Variants in CRB2 observed in about 807,000 individuals in gnomAD.
CRB2 encodes protein crumbs homolog 2.
CRB2 carries 85 observed loss-of-function variants against 110.9 expected under a neutral mutation model. That is an observed-to-expected ratio of 0.77 (90% confidence interval 0.64 to 0.92). The LOEUF is 0.92. CRB2 is among the 40% of genes least tolerant of loss of function. The pLI, the probability that CRB2 is intolerant of heterozygous loss-of-function variation, is 0.00. For synonymous variants in CRB2, 907 were observed against 831.0 expected (o/e 1.09, Z -1.57); for missense variants, 1,843 against 1,851.3 (o/e 1.00, Z 0.08).
At chr9:123,361,376 C>T (rs2041867166) in intron 1 of CRB2, among the ~76,000 whole-genome samples, 1 of 152,244 alleles carries the variant, frequency 6.6e-6, no homozygotes, top group Non-Finnish European at 1.5e-5. Context: ...CAAACCAGGA[C>T]TGCCCGATGC....
intron 12 of CRB2, among the ~76,000 whole-genome samples, chr9:123,376,274 G>C (rs932932457): frequency 6.6e-6 from 1 of 152,154 alleles, no homozygotes; most frequent in Non-Finnish European, 1.5e-5. Context: ...TGGAATCCTC[G>C]CATCCTGGGA....
At chr9:123,376,056 C>T (rs1478327245) in intron 12 of CRB2, among the ~76,000 whole-genome samples, 3 of 151,086 alleles carry the variant, frequency 2.0e-5, no homozygotes, top group African/African-American at 7.3e-5. Flanking sequence ...ACTTTTACAG[C>T]CTCTGGCTTC....
intron 1 of CRB2, among the ~76,000 whole-genome samples, chr9:123,357,693 G>T (rs2041816363): frequency 6.6e-6 from 1 of 152,110 alleles, no homozygotes; most frequent in Non-Finnish European, 1.5e-5. Flanking sequence ...CCGGTCTGTG[G>T]ATCGGTGCTC....
chr9:123,363,156 G>T lies in CRB2; in HGVS notation c.386G>T (p.Arg129Leu), dbSNP rs549870240. 1.2e-6 allele frequency: 2 copies of T among 1,609,246 alleles called. No homozygotes were observed. The highest frequency in any genetic ancestry group is 1.6e-4 in the Middle Eastern group (1 of 6,076). ...GCCACCTGCCGCAACCTGGCCGATCGCTACGAGTGCCATTGCCCCCTTGGC... is the reference window on the plus strand; with the variant it reads ...GCCACCTGCCGCAACCTGGCCGATCTCTACGAGTGCCATTGCCCCCTTGGC... The part of the protein sequence containing the change: ...HGATCRNLAD[R>L]YECHCPLGYA... The change falls in exon 2 of 13, where the codon CGC becomes CTC. Residue 129 changes from arginine (R) to leucine (L), a missense_variant. By Grantham distance (102) the Arg-to-Leu change is moderately radical. Transcript: ENST00000373631.
rs539866707 is a variant in CRB2, at chr9:123,361,941, G to A, written c.95-924G>A. ...GAGAGGAAGGGGGATGAGGATCTCT[G>A]GGCGTGGCTTCCAAGCCGGTTGGTG... On this transcript the variant is annotated intron_variant, in intron 1 of 12. Coordinates refer to ENST00000373631, the MANE Select transcript of CRB2 (RefSeq NM_173689.7). Among the ~76,000 whole-genome samples the A allele has an allele frequency of 7.7e-4, 118 of 152,320 alleles. 1 individual carries two copies. The highest frequency in any genetic ancestry group is 2.7e-3 in the African/African-American group (113 of 41,570).
rs1305317465 is a variant in CRB2 at position 123,367,669 on chromosome 9, G to T, written c.1037G>T (p.Cys346Phe). The change falls in exon 6 of 13, where the codon TGC (cysteine) becomes TTC (phenylalanine). Residue 346 changes from cysteine (C) to phenylalanine (F), a missense_variant. By Grantham distance (205) the Cys-to-Phe change is radical. Coordinates refer to ENST00000373631, the MANE Select transcript of CRB2 (RefSeq NM_173689.7). ...CTGCCCAATGGCTTCCAGTGTCACT[G>T]CCCAGATGGCTACGCAGGTGTCTGG... ...QDLPNGFQCH[C>F]PDGYAGPTCE... The T allele has an allele frequency of 2.6e-6, 4 of 1,561,946 alleles. No individual in the cohort carries two copies. The highest frequency in any genetic ancestry group is 2.6e-6 in the Non-Finnish European group (3 of 1,153,954).
At chr9:123,369,518 G>A (rs778943340) in intron 6 of CRB2, among the ~76,000 whole-genome samples, 2 of 152,116 alleles carry the variant, frequency 1.3e-5, no homozygotes, top group South Asian at 4.1e-4. Context: ...TGAAAGGAAG[G>A]GTAAGGGTGA....
rs537615209 is a variant in CRB2, at chr9:123,367,570, C to T, written c.941-3C>T. On this transcript the variant is annotated splice_region_variant and splice_polypyrimidine_tract_variant and intron_variant, in intron 5 of 12. Transcript: ENST00000373631. ...GTGGGACCCACAGCTGGGCCTCTTA[C>T]AGGAGCCGACTGCGGTGTGGAGGTG... 3.1e-4 allele frequency: 475 copies of T among 1,551,686 alleles called. 6 individuals are homozygous for T. The South Asian group carries it at 5.3e-3, about 17-fold the overall frequency.
At chr9:123,378,822 T>TG (rs2042153215), downstream of CRB2, 2 of 131,610 alleles carry the variant, frequency 1.5e-5, no homozygotes, top group Admixed American at 1.5e-4. Context: ...TTTTTTTTTT[T>TG]TTTTTTTTTT....
At chr9:123,374,281 G>T (rs2042069424) in intron 10 of CRB2, among the ~76,000 whole-genome samples, 1 of 152,054 alleles carries the variant, frequency 6.6e-6, no homozygotes, top group African/African-American at 2.4e-5. Flanking sequence ...TGTGGAAGGG[G>T]ATCTGGCTGT....
At chr9:123,354,329 T>C (rs942380754), upstream of CRB2, among the ~76,000 whole-genome samples, 3 of 151,140 alleles carry the variant, frequency 2.0e-5, no homozygotes, top group Admixed American at 2.0e-4. Context: ...TCTGTGAAAG[T>C]GTGGGAGTTT....
upstream of CRB2, among the ~76,000 whole-genome samples, chr9:123,354,849 C>T (rs80260733): frequency 1.6e-3 from 246 of 152,290 alleles, 3 homozygotes; most frequent in East Asian, 0.025. Flanking sequence ...GCACTTGCCC[C>T]GGGCTAGAGG....
chr9:123,363,183 A>G lies in CRB2; in HGVS notation c.413A>G (p.Tyr138Cys), dbSNP rs1329503571. The change falls in exon 2 of 13, where the codon TAT becomes TGT. Residue 138 changes from tyrosine (Y) to cysteine (C), a missense_variant. Tyr to Cys is a radical substitution (Grantham distance 194). Coordinates refer to ENST00000373631, the MANE Select transcript of CRB2 (RefSeq NM_173689.7). ...DRYECHCPLGYAGVTCEMEVD... is the reference protein window; with the variant it reads ...DRYECHCPLGCAGVTCEMEVD... ...TACGAGTGCCATTGCCCCCTTGGCT[A>G]TGCAGGTAACAGCCTGGGCCGCCCT... The G allele has an allele frequency of 6.2e-7, 1 of 1,601,096 alleles. No individual in the cohort carries two copies. Among genetic ancestry groups the G allele is most frequent in the Admixed American group, 1.7e-5 (1 of 59,704 alleles).
chr9:123,364,730 A>C (rs576221514), intron 2 of CRB2, among the ~76,000 whole-genome samples: 38 of 152,330 alleles, frequency 2.5e-4, no homozygotes, highest in African/African-American at 9.1e-4. Context: ...ACGTGAGTCC[A>C]GGATGATCTC....
chr9:123,367,417 G>GGGCCCCCCCCCCCCCCCCCCCCCCC, intron 5 of CRB2, 60 bp downstream of exon 5: 1 of 1,269,290 alleles, frequency 7.9e-7, no homozygotes, highest in African/African-American at 2.2e-5. Context: ...GGGATCTTGT[G>GGGCCCCCCCCCCCCCCCCCCCCCCC]CCCACCCCCC....
intron 4 of CRB2, 90 bp from the exon 5 acceptor site, chr9:123,367,082 C>G: frequency 1.5e-6 from 2 of 1,357,738 alleles, no homozygotes; most frequent in Non-Finnish European, 9.8e-7. Flanking sequence ...GAGCTGCGGT[C>G]CCTTGCTGGC....
intron 1 of CRB2, among the ~76,000 whole-genome samples, chr9:123,359,430 G>GTTTGT (rs2041835449): frequency 1.1e-4 from 11 of 98,006 alleles, no homozygotes; most frequent in Non-Finnish European, 2.0e-4. Context: ...GTGGTTTTTC[G>GTTTGT]TTTTTGTTTT....
chr9:123,373,023 T>C (rs1331186836), intron 9 of CRB2, 111 bp from the exon 10 acceptor site: 1 of 869,376 alleles, frequency 1.2e-6, no homozygotes, highest in Non-Finnish European at 1.7e-6. Context: ...GGTGGGTGCG[T>C]GTGCCCCACC....
rs1286094241 is a variant in CRB2, at chr9:123,377,993, G to A, written c.*931G>A. ...GTGTCCTTCTGGGATGAGGATGACA[G>A]AGCAACCCTTCTCCTGCCCTGAACC... is the stretch of plus-strand genomic sequence containing the variant. On this transcript the variant is annotated 3_prime_UTR_variant, in exon 13 of 13. Transcript: ENST00000373631. 6.6e-6 allele frequency: 1 copy of A among 152,394 alleles called. No homozygotes were observed. The highest frequency in any genetic ancestry group is 1.5e-5 in the Non-Finnish European group (1 of 68,152). 9.4% of individuals were successfully genotyped at this position (152,394 alleles called of 1,614,324 possible). A position where few individuals can be genotyped will look rare whatever the true frequency, so the allele number is the denominator to read the frequency against.
Sources: gnomAD v4.1 joint callset for allele counts (sites outside exome capture counted in the v4.1 genomes callset) on GRCh38, gnomAD v4.1.1 for gene constraint, MANE v1.5 for transcripts, NCBI Gene and HGNC (gene_info 2026-07-23, HGNC 2026-07-21) for gene names.